Variants in ANXA13 observed in about 807,000 individuals in gnomAD.
The protein encoded by ANXA13 is annexin A13.
Under a neutral mutation model 46.6 loss-of-function variants are expected in ANXA13, and 36 were observed. The observed-to-expected ratio is 0.77, with a 90% CI of 0.59 to 1.02. ANXA13 has a LOEUF of 1.02. Ranked by LOEUF, ANXA13 falls within the 50% of genes least tolerant of loss-of-function variation. The pLI is 0.00. For synonymous variants in ANXA13, 163 were observed against 152.9 expected (o/e 1.07, Z -0.49); for missense variants, 417 against 396.5 (o/e 1.05, Z -0.44).
chr8:123,714,750 G>T (rs1484042512), intron 1 of ANXA13, among the ~76,000 whole-genome samples: 2 of 152,206 alleles, frequency 1.3e-5, no homozygotes, highest in Non-Finnish European at 2.9e-5. Flanking sequence ...CGCAGCATCT[G>T]TTCCTGAAAC....
In ANXA13 at chr8:123,695,521, AT is replaced by A. The variant is rs759218332; in HGVS notation, c.451del (p.Ile151SerfsTer20). The stretch of plus-strand genomic sequence containing the variant: ...TCTTACCTGCAGCAGAGACACCAGG[AT>A]TTTTTTTAGGTTTCCACTTGTATCA... ...KGDTSGNLKK[I>X]LVSLLQANRN... On this transcript the variant is annotated frameshift_variant, in exon 6 of 11. Transcript: ENST00000419625. LOFTEE classifies it high-confidence loss of function. 5 of 1,613,446 alleles carry A rather than the reference AT, an allele frequency of 3.1e-6. No homozygotes were observed. The highest frequency in any genetic ancestry group is 2.2e-5 in the East Asian group (1 of 44,852).
intron 10 of ANXA13, among the ~76,000 whole-genome samples, chr8:123,681,646 A>C (rs1203101660): frequency 1.5e-5 from 2 of 135,232 alleles, no homozygotes; most frequent in Non-Finnish European, 3.1e-5. Flanking sequence ...TTTTTGAGAC[A>C]GAGCTTTGCT....
intron 6 of ANXA13, among the ~76,000 whole-genome samples, chr8:123,695,190 AGGTTACCCACCCTCTCATG>A (rs1240570908): frequency 1.3e-5 from 2 of 152,134 alleles, no homozygotes; most frequent in African/African-American, 4.8e-5. Context: ...GAACCTGGGC[AGGTTACCCACCCTCTCATG>A]GCCTACATTT....
intron 1 of ANXA13, among the ~76,000 whole-genome samples, chr8:123,730,595 T>C (rs1295181078): frequency 6.6e-6 from 1 of 151,832 alleles, no homozygotes; most frequent in Non-Finnish European, 1.5e-5. Flanking sequence ...GGAAAGAGAG[T>C]CTTTGTAGAT....
chr8:123,684,628 T>C lies in ANXA13; in HGVS notation c.813A>G (p.Ile271Met). 6.2e-7 allele frequency: 1 copy of C among 1,613,914 alleles called. No individual in the cohort carries two copies. Among genetic ancestry groups the C allele is most frequent in the South Asian group, 1.1e-5 (1 of 91,082 alleles). ...GTCTTACCTCGGCCCTGGTCACGAC[T>C]ATGCGAATCAACGTCTCCTCATCGG... is the stretch of plus-strand genomic sequence containing the variant. ...AGTDEETLIR[I>M]VVTRAEVDLQ... Residue 271 changes from isoleucine (I) to methionine (M), a missense_variant, in exon 10 of 11, where the codon ATA becomes ATG. Transcript: ENST00000419625.
chr8:123,693,138 G>T, intron 8 of ANXA13, 59 bp downstream of exon 8: 2 of 1,473,854 alleles, frequency 1.4e-6, no homozygotes, highest in Non-Finnish European at 1.9e-6. Context: ...GGCTTCTTTT[G>T]GAAATAACTT....
intron 10 of ANXA13, among the ~76,000 whole-genome samples, chr8:123,681,904 C>T (rs1402670087): frequency 2.0e-5 from 3 of 152,080 alleles, no homozygotes; most frequent in Non-Finnish European, 4.4e-5. Flanking sequence ...GGATTACAGG[C>T]GTGAGCCACC....
chr8:123,684,708 C>G lies in ANXA13; in HGVS notation c.733G>C (p.Asp245His), dbSNP rs146740891. ...AYLTLVRCAQ[D>H]CEDYFAERLY... ...CGTTCAGCAAAATAGTCCTCACAAT[C>G]CTGGGCACATCTCACTGGGCAGGAC... The change falls in exon 10 of 11, where the codon GAT becomes CAT. Residue 245 changes from aspartate to histidine, a missense_variant. Coordinates refer to ENST00000419625, the MANE Select transcript of ANXA13 (RefSeq NM_004306.4). The G allele has an allele frequency of 1.1e-4, 178 of 1,613,252 alleles. No homozygotes were observed. In the African/African-American group the frequency reaches 2.1e-3, roughly 19 times the overall value.
chr8:123,686,222 C>G (rs1377303914), intron 9 of ANXA13, among the ~76,000 whole-genome samples: 1 of 152,064 alleles, frequency 6.6e-6, no homozygotes, highest in Non-Finnish European at 1.5e-5. Context: ...CCTGTAATCC[C>G]AGCGCTTTGG....
Position 123,702,722 on chromosome 8 carries a change from C to T in ANXA13, c.106G>A (p.Ala36Thr). Residue 36 changes from alanine (A) to threonine (T), a missense_variant, in exon 3 of 11, where the codon GCC (alanine) becomes ACC (threonine). Physicochemically the swap from Ala to Thr is moderately conservative, Grantham distance 58. Transcript: ENST00000419625. The part of the protein sequence containing the change: ...ACKGMGTNEA[A>T]IIEILSGRTS... ...CTGCCCGATAAGATTTCAATGATGG[C>T]TGCTTCATTGGTCCCTAAAATACAG... The T allele has an allele frequency of 1.9e-6, 3 of 1,613,616 alleles. No homozygotes were observed. The highest frequency in any genetic ancestry group is 2.5e-6 in the Non-Finnish European group (3 of 1,179,578).
intron 10 of ANXA13, among the ~76,000 whole-genome samples, chr8:123,684,226 C>T (rs1445468623): frequency 2.0e-5 from 3 of 152,196 alleles, no homozygotes; most frequent in Non-Finnish European, 4.4e-5. Context: ...AAAGGCCTCA[C>T]TCAGGAATTC....
At chr8:123,686,929 T>C (rs1241945673) in intron 9 of ANXA13, among the ~76,000 whole-genome samples, 2 of 152,252 alleles carry the variant, frequency 1.3e-5, no homozygotes, top group Non-Finnish European at 2.9e-5. Flanking sequence ...ATCACTTTTT[T>C]TCGCTACCAC....
chr8:123,730,123 G>A (rs1282366970), intron 1 of ANXA13, among the ~76,000 whole-genome samples: 2 of 152,204 alleles, frequency 1.3e-5, no homozygotes, highest in East Asian at 3.9e-4. Flanking sequence ...GAGGGTGGCA[G>A]AGGGTCTTCA....
intron 2 of ANXA13, 81 bp downstream of exon 2, chr8:123,712,597 C>T: frequency 8.4e-7 from 1 of 1,188,868 alleles, no homozygotes; most frequent in East Asian, 2.3e-5. Context: ...ATGTCAGCTT[C>T]CTAACATCAT....
Position 123,722,332 on chromosome 8 carries a change from G to GAAAGA in ANXA13, c.16-9584_16-9580dup, listed in dbSNP as rs928236148. Among the ~76,000 whole-genome samples the GAAAGA allele has an allele frequency of 1.0e-4, 13 of 129,518 alleles. No homozygotes were observed. In the East Asian group the frequency reaches 1.3e-3, roughly 13 times the overall value. The allele number at this position is 129,518 out of a possible 152,430, so 85.0% of individuals were successfully genotyped here. A position where few individuals can be genotyped will look rare whatever the true frequency, so the allele number is the denominator to read the frequency against. Reference sequence around the variant, plus strand: ...TGTCTCAAAAAGAAAGAAAGAAAAAGAAAGAAAAGAAAAGAAAGAAAGAAA... The same window carrying GAAAGA: ...TGTCTCAAAAAGAAAGAAAGAAAAAGAAAGAAAAGAAAAGAAAAGAAAGAAAGAAA... On this transcript the variant is annotated intron_variant, in intron 1 of 10. Coordinates refer to ENST00000419625, the MANE Select transcript of ANXA13 (RefSeq NM_004306.4).
In ANXA13 at chr8:123,690,209, G is replaced by A. The variant is rs1813208845; in HGVS notation, c.643-1263C>T. Among the ~76,000 whole-genome samples, 2 of 152,140 alleles carry A rather than the reference G, an allele frequency of 1.3e-5. No homozygotes were observed. The highest frequency in any genetic ancestry group is 2.9e-5 in the Non-Finnish European group (2 of 68,028). ...AGATCATACTTCAAGAGAACATTTTGTTCACACAGGTCTTGTTTACTTTAA... is the reference window on the plus strand; with the variant it reads ...AGATCATACTTCAAGAGAACATTTTATTCACACAGGTCTTGTTTACTTTAA... On this transcript the variant is annotated intron_variant, in intron 8 of 10. Coordinates refer to ENST00000419625, the MANE Select transcript of ANXA13 (RefSeq NM_004306.4). This position sits in a 1 kb window ranked among gnomAD's most constrained non-coding sequence, Gnocchi z 4.6.
intron 1 of ANXA13, among the ~76,000 whole-genome samples, chr8:123,732,095 C>T (rs967215263): frequency 1.2e-4 from 18 of 152,094 alleles, no homozygotes; most frequent in African/African-American, 7.2e-5. Context: ...TTCTATTTGG[C>T]GTAAAAAGAA....
At position 123,690,287 on chromosome 8, in the gene ANXA13, GC is replaced by G. The variant is rs571108030; in HGVS notation, c.643-1342del. Among the ~76,000 whole-genome samples the G allele has an allele frequency of 6.6e-5, 10 of 152,332 alleles. No homozygotes were observed. Among genetic ancestry groups the G allele is most frequent in the Non-Finnish European group, 1.3e-4 (9 of 68,032 alleles). On this transcript the variant is annotated intron_variant, in intron 8 of 10. Coordinates refer to ENST00000419625, the MANE Select transcript of ANXA13 (RefSeq NM_004306.4). This position sits in a 1 kb window ranked among gnomAD's most constrained non-coding sequence, Gnocchi z 4.6. ...TTTCTATTGTTAATACCAGGCTAGA[GC>G]AGGGATTTTAAATTTTCTGTAGAAT...
intron 1 of ANXA13, among the ~76,000 whole-genome samples, chr8:123,736,306 T>C (rs1167703994): frequency 6.6e-6 from 1 of 152,210 alleles, no homozygotes; most frequent in Non-Finnish European, 1.5e-5. Context: ...TTACAGCAGG[T>C]ACACAAAACC....
Sources: gnomAD v4.1 joint callset for allele counts (sites outside exome capture counted in the v4.1 genomes callset) on GRCh38, gnomAD v4.1.1 for gene constraint, Gnocchi (gnomAD v3.1) non-coding constraint, MANE v1.5 for transcripts, NCBI Gene and HGNC (gene_info 2026-07-23, HGNC 2026-07-21) for gene names.